SPRY3: variants seen among roughly 807,000 people sequenced by gnomAD.
The protein encoded by SPRY3 is sprouty RTK signaling antagonist 3.
A neutral mutation model predicts 20.2 loss-of-function variants in SPRY3; 15 were observed. The ratio of observed to expected loss-of-function variants is 0.74; its 90% CI spans 0.50 to 1.14. SPRY3 has a LOEUF of 1.14. Among genes scored for constraint, SPRY3 ranks in the 50% most tolerant of loss-of-function variants. The pLI is 0.00. For synonymous variants in SPRY3, 143 were observed against 136.5 expected, an observed-to-expected ratio of 1.05 and a Z score of -0.33; for missense variants, 364 against 363.9, an observed-to-expected ratio of 1.00 and a Z score of 0.00.
At chrX:155,715,846 G>A (rs745791479) in intron 2 of SPRY3, among the ~76,000 whole-genome samples, 78 of 152,306 alleles carry the variant, frequency 5.1e-4, no homozygotes, top group Non-Finnish European at 1.0e-3. Context: ...TGACAGGGCA[G>A]CACTGAGTTT....
chrX:155,705,430 A>G (rs1189823272), intron 2 of SPRY3, among the ~76,000 whole-genome samples: 1 of 151,454 alleles, frequency 6.6e-6, no homozygotes, highest in Non-Finnish European at 1.5e-5. Context: ...AAGAGAAGGC[A>G]GAAAAGGAAG....
intron 1 of SPRY3, among the ~76,000 whole-genome samples, chrX:155,646,209 C>T (rs1453437157): frequency 8.9e-6 from 1 of 111,739 alleles, no homozygotes; most frequent in Non-Finnish European, 1.9e-5. Context: ...TAACATGTCT[C>T]GAAATCAGAA....
chrX:155,716,909 G>A (rs183209684), intron 2 of SPRY3, among the ~76,000 whole-genome samples: 53 of 147,756 alleles, frequency 3.6e-4, no homozygotes, highest in Admixed American at 3.4e-3. Flanking sequence ...TGAGGCGGGC[G>A]GATTGCCTGA....
At chrX:155,703,436 G>GA in intron 2 of SPRY3, among the ~76,000 whole-genome samples, 1 of 7,908 alleles carries the variant, frequency 1.3e-4, no homozygotes, top group Non-Finnish European at 2.8e-4. Flanking sequence ...ATGGTAGTTT[G>GA]TATTTCTGTG....
intron 2 of SPRY3, among the ~76,000 whole-genome samples, chrX:155,692,169 T>TGTACAC (rs1357337195): frequency 1.8e-5 from 2 of 109,630 alleles, no homozygotes; most frequent in African/African-American, 6.8e-5. Context: ...GAGGGAATAG[T>TGTACAC]AAATGGGTAC....
At chrX:155,661,803 T>G (rs781926021) in intron 2 of SPRY3, among the ~76,000 whole-genome samples, 7 of 112,042 alleles carry the variant, frequency 6.2e-5, no homozygotes, top group African/African-American at 1.9e-4. Flanking sequence ...TGAAATTCTT[T>G]CATCTGCTTT....
At chrX:155,700,290 A>T (rs1293222957) in intron 2 of SPRY3, among the ~76,000 whole-genome samples, 1 of 87,275 alleles carries the variant, frequency 1.1e-5, no homozygotes. Context: ...ATGGAAAATA[A>T]CAAGTGTTGT....
chrX:155,735,042 A>G (rs1301773333), intron 2 of SPRY3, among the ~76,000 whole-genome samples: 3 of 151,792 alleles, frequency 2.0e-5, no homozygotes, highest in African/African-American at 7.2e-5. Context: ...ATTTTGATAA[A>G]TTATACTTTT....
At chrX:155,757,795 T>C (rs2091289082) in intron 2 of SPRY3, among the ~76,000 whole-genome samples, 1 of 152,154 alleles carries the variant, frequency 6.6e-6, no homozygotes, top group African/African-American at 2.4e-5. Context: ...AATCACACTC[T>C]AAAAAGAAAC....
At chrX:155,706,651 T>G (rs1480848143) in intron 2 of SPRY3, among the ~76,000 whole-genome samples, 1 of 150,504 alleles carries the variant, frequency 6.6e-6, no homozygotes, top group Non-Finnish European at 1.5e-5. Context: ...CAGGAAAGAA[T>G]AATTCCCATT....
chrX:155,754,761 T>C (rs532295799), intron 2 of SPRY3, among the ~76,000 whole-genome samples: 3 of 152,068 alleles, frequency 2.0e-5, no homozygotes, highest in Non-Finnish European at 4.4e-5. Context: ...CTGCTTTAAC[T>C]TCTTTCAACA....
chrX:155,624,471 C>A (rs184407504), intron 1 of SPRY3, among the ~76,000 whole-genome samples: 2 of 111,486 alleles, frequency 1.8e-5, no homozygotes, highest in East Asian at 2.8e-4. Flanking sequence ...ATTTACCTAT[C>A]TGTATCTATA....
At chrX:155,686,623 A>C (rs2068088750) in intron 2 of SPRY3, among the ~76,000 whole-genome samples, 1 of 111,585 alleles carries the variant, frequency 9.0e-6, no homozygotes, top group Admixed American at 9.6e-5. Flanking sequence ...TCTCTCTGTT[A>C]TCTCCCAGTA....
chrX:155,638,330 A>T (rs868989191), intron 1 of SPRY3, among the ~76,000 whole-genome samples: 1 of 2,304 alleles, frequency 4.3e-4, no homozygotes, highest in Non-Finnish European at 2.0e-3. Context: ...ATATATATAT[A>T]TATATATATA....
intron 1 of SPRY3, among the ~76,000 whole-genome samples, chrX:155,614,368 C>T (rs1218666908): frequency 8.9e-6 from 1 of 112,029 alleles, no homozygotes; most frequent in Non-Finnish European, 1.9e-5. Flanking sequence ...TCACTTAAAG[C>T]TAAGCTGAAA....
chrX:155,662,055 G>T (rs1557353751), intron 2 of SPRY3, among the ~76,000 whole-genome samples: 1 of 111,637 alleles, frequency 9.0e-6, no homozygotes, highest in Non-Finnish European at 1.9e-5. Context: ...TTTTCATTTT[G>T]ACTAGAATCC....
intron 2 of SPRY3, among the ~76,000 whole-genome samples, chrX:155,671,777 T>C (rs1304219691): frequency 1.4e-4 from 16 of 111,376 alleles, no homozygotes; most frequent in Admixed American, 4.8e-4. Context: ...TTTATGGTTT[T>C]AGGTCTAATA....
intron 3 of SPRY3, among the ~76,000 whole-genome samples, chrX:155,769,549 A>AC (rs1359798221): frequency 9.5e-4 from 145 of 152,312 alleles, no homozygotes; most frequent in South Asian, 2.1e-3. Context: ...TTTTAAAAAA[A>AC]AAATCCTACT....
intron 2 of SPRY3, among the ~76,000 whole-genome samples, chrX:155,722,689 G>A (rs1392773522): frequency 6.6e-6 from 1 of 151,834 alleles, no homozygotes; most frequent in Non-Finnish European, 1.5e-5. Context: ...ACATAACATT[G>A]AAAATAAATG....
Sources: gnomAD v4.1 joint callset for allele counts (sites outside exome capture counted in the v4.1 genomes callset) on GRCh38, gnomAD v4.1.1 for gene constraint, MANE v1.5 for transcripts, NCBI Gene and HGNC (gene_info 2026-07-23, HGNC 2026-07-21) for gene names.